Variants in EDNRA observed in about 807,000 individuals in gnomAD.
EDNRA encodes endothelin-1 receptor.
EDNRA carries 11 observed loss-of-function variants against 41.4 expected under a neutral mutation model. The observed-to-expected ratio is 0.27, with a 90% CI of 0.17 to 0.44. The LOEUF is 0.44. Ranked by LOEUF, EDNRA falls within the 20% of genes least tolerant of loss-of-function variation. The pLI is 1.00. For synonymous variants in EDNRA, 172 were observed against 183.0 expected (o/e 0.94, Z 0.49); for missense variants, 294 against 531.0 (o/e 0.55, Z 4.39).
At chr4:147,516,772 TAGTGAAATC>T (rs1730129799) in intron 2 of EDNRA, among the ~76,000 whole-genome samples, 1 of 152,318 alleles carries the variant, frequency 6.6e-6, no homozygotes, top group East Asian at 1.9e-4. Flanking sequence ...TTGTTAACAT[TAGTGAAATC>T]AGTGAGTTCT....
intron 2 of EDNRA, chr4:147,490,179 AC>A (rs1167171710): frequency 1.3e-5 from 2 of 148,150 alleles, no homozygotes; most frequent in African/African-American, 2.6e-5. Flanking sequence ...ACACACACAC[AC>A]ACACACAACC....
chr4:147,506,147 G>C, intron 2 of EDNRA: 1 of 527,984 alleles, frequency 1.9e-6, no homozygotes, highest in Non-Finnish European at 3.8e-6. Context: ...GTGAAGTTGG[G>C]AAACTGTGGA....
intron 2 of EDNRA, among the ~76,000 whole-genome samples, chr4:147,487,531 T>C (rs1405565991): frequency 1.3e-5 from 2 of 152,226 alleles, no homozygotes; most frequent in African/African-American, 4.8e-5. Flanking sequence ...TCTGAAATAT[T>C]ACTTTAAATG....
chr4:147,502,852 AT>A (rs36023655), intron 2 of EDNRA, among the ~76,000 whole-genome samples: 60,955 of 151,964 alleles, frequency 0.4, 13,554 homozygotes, highest in African/African-American at 0.61. Flanking sequence ...AAAAATATGT[AT>A]TTAGCCTAAT....
chr4:147,538,293 T>G (rs1480922585), intron 5 of EDNRA, among the ~76,000 whole-genome samples: 1 of 151,742 alleles, frequency 6.6e-6, no homozygotes, highest in African/African-American at 2.4e-5. Context: ...ATCAAAAGAG[T>G]GTCCCTATAC....
intron 2 of EDNRA, chr4:147,489,956 C>A (rs751547488): frequency 6.6e-6 from 1 of 152,078 alleles, no homozygotes; most frequent in Non-Finnish European, 1.5e-5. Flanking sequence ...GCTATCACTA[C>A]CCCCAAGGAA....
intron 1 of EDNRA, among the ~76,000 whole-genome samples, chr4:147,482,526 G>T (rs10305853): frequency 0.027 from 4,146 of 152,254 alleles, 197 homozygotes; most frequent in African/African-American, 0.092. Context: ...ATGAGCTACA[G>T]ACCCACCTTG....
chr4:147,529,077 G>A (rs182418822), intron 3 of EDNRA, among the ~76,000 whole-genome samples: 7 of 152,220 alleles, frequency 4.6e-5, no homozygotes, highest in African/African-American at 1.7e-4. Flanking sequence ...TAACAGGTAC[G>A]ATGGTGAAAA....
intron 3 of EDNRA, among the ~76,000 whole-genome samples, chr4:147,527,764 A>G (rs1020147719): frequency 2.6e-5 from 4 of 152,160 alleles, no homozygotes; most frequent in African/African-American, 9.7e-5. Flanking sequence ...TTATACTTTT[A>G]TTTTGGCCTA....
chr4:147,486,655 C>T lies in EDNRA; in HGVS notation c.420+554C>T, dbSNP rs769000567. On this transcript the variant is annotated intron_variant, in intron 2 of 7. Transcript: ENST00000651419. This position sits in a 1 kb window ranked among gnomAD's most constrained non-coding sequence, Gnocchi z 4.3. ...GGTGACTTAGAGATAATGGGGTCCA[C>T]ATGATAGCAGGCCACTGTTGACCTT... Among the ~76,000 whole-genome samples, 8 of 152,222 alleles carry T rather than the reference C, an allele frequency of 5.3e-5. No individual in the cohort carries two copies. The highest frequency in any genetic ancestry group is 1.2e-4 in the Non-Finnish European group (8 of 68,046).
chr4:147,502,315 C>T (rs773693494), intron 2 of EDNRA, among the ~76,000 whole-genome samples: 10 of 152,114 alleles, frequency 6.6e-5, no homozygotes, highest in Non-Finnish European at 1.5e-4. Context: ...GGATTCTATA[C>T]ACTAAATTAT....
chr4:147,515,581 T>C (rs1730087373), intron 2 of EDNRA, among the ~76,000 whole-genome samples: 1 of 152,082 alleles, frequency 6.6e-6, no homozygotes, highest in African/African-American at 2.4e-5. Context: ...CCACTGGGTG[T>C]AGAGTGAGAA....
intron 2 of EDNRA, among the ~76,000 whole-genome samples, chr4:147,518,768 G>A (rs148145242): frequency 0.012 from 1,839 of 152,224 alleles, 16 homozygotes; most frequent in Non-Finnish European, 0.019. Context: ...AAAGAAAAAG[G>A]AGTTTGTCAA....
intron 2 of EDNRA, chr4:147,494,386 G>A (rs954386267): frequency 3.9e-5 from 6 of 152,206 alleles, no homozygotes; most frequent in African/African-American, 9.7e-5. Flanking sequence ...ATATTGAGTG[G>A]GTGACCTCAA....
At chr4:147,489,569 A>G (rs147209473) in intron 2 of EDNRA, 4 of 152,280 alleles carry the variant, frequency 2.6e-5, no homozygotes, top group African/African-American at 4.8e-5. Flanking sequence ...GCAATGTAAT[A>G]TAAAACACAA....
chr4:147,507,528 T>C (rs914354734), intron 2 of EDNRA, among the ~76,000 whole-genome samples: 1 of 152,066 alleles, frequency 6.6e-6, no homozygotes, highest in Admixed American at 6.5e-5. Flanking sequence ...TTGCCAGGGG[T>C]TGGGAATGGG....
Position 147,511,378 on chromosome 4 carries a change from C to G in EDNRA, c.421-8473C>G, listed in dbSNP as rs962780443. ...AAATCACCTCAATCTTATTTACTAT[C>G]AAGTCAGTGAGAGCATCAACTTTAT... is the stretch of plus-strand genomic sequence containing the variant. On this transcript the variant is annotated intron_variant, in intron 2 of 7. Coordinates refer to ENST00000651419, the MANE Select transcript of EDNRA (RefSeq NM_001957.4). Among the ~76,000 whole-genome samples, 4 of 152,140 alleles carry G rather than the reference C, an allele frequency of 2.6e-5. No homozygotes were observed. The South Asian group carries it at 6.2e-4, about 24-fold the overall frequency.
rs748818294 is a variant in EDNRA at position 147,532,495 on chromosome 4, C to T, written c.549-11C>T. On this transcript the variant is annotated splice_polypyrimidine_tract_variant and intron_variant, in intron 3 of 7. Coordinates refer to ENST00000651419, the MANE Select transcript of EDNRA (RefSeq NM_001957.4). ...TTCCTAACAACTTGGTTCCATTACC[C>T]TTTTTTTCAGGTACAGAGCAGTTGC... is the stretch of plus-strand genomic sequence containing the variant. 6 of 1,613,380 alleles carry T rather than the reference C, an allele frequency of 3.7e-6. No individual in the cohort carries two copies. Among genetic ancestry groups the T allele is most frequent in the Non-Finnish European group, 4.2e-6 (5 of 1,179,538 alleles).
intron 3 of EDNRA, among the ~76,000 whole-genome samples, chr4:147,526,071 G>C (rs1730531090): frequency 6.6e-6 from 1 of 152,254 alleles, no homozygotes; most frequent in South Asian, 2.1e-4. Context: ...GGAAGGGTCT[G>C]AGCCAGAAGA....
Sources: allele counts gnomAD v4.1 joint callset (sites outside exome capture counted in the v4.1 genomes callset), GRCh38; gene constraint gnomAD v4.1.1; non-coding constraint Gnocchi (gnomAD v3.1); transcripts MANE v1.5; gene names NCBI Gene and HGNC (gene_info 2026-07-23, HGNC 2026-07-21).